Variants in SIK3 observed in about 807,000 individuals in gnomAD.
SIK3 encodes the protein SIK family kinase 3, also known as serine/threonine-protein kinase SIK3.
SIK3 carries 28 observed loss-of-function variants against 144.2 expected under a neutral mutation model. The ratio of observed to expected loss-of-function variants is 0.19; its 90% CI spans 0.14 to 0.27. The LOEUF (loss-of-function observed/expected upper bound fraction) is 0.27. Ranked by LOEUF, SIK3 falls within the 10% of genes least tolerant of loss-of-function variation. The probability of loss-of-function intolerance (pLI) is 1.00; values close to 1 mark genes in which losing one functional copy is unlikely to be tolerated. For synonymous variants in SIK3, 686 were observed against 676.3 expected (o/e 1.01, Z -0.22); for missense variants, 1,319 against 1,776.0 (o/e 0.74, Z 4.62).
At position 116,862,229 on chromosome 11, in the gene SIK3, G is replaced by A; in HGVS notation, c.2202C>T (p.His734=). 6.2e-7 allele frequency: 1 copy of A among 1,614,184 alleles called. No homozygotes were observed. The highest frequency in any genetic ancestry group is 1.1e-5 in the South Asian group (1 of 91,088). Residue 734 remains histidine, a synonymous_variant, in exon 17 of 25, where the codon CAC becomes CAT. Coordinates refer to ENST00000445177, the MANE Select transcript of SIK3 (RefSeq NM_001366686.3). ...QQHMLYQQEQ[H]HQILQQQIQD... is the part of the protein sequence containing the mutation. ...GAATTTGTTGCTGGAGAATTTGATGGTGCTGCTCCTGCTGGTATAACATAT... is the reference window on the plus strand; with the variant it reads ...GAATTTGTTGCTGGAGAATTTGATGATGCTGCTCCTGCTGGTATAACATAT...
chr11:117,044,153 T>A (rs895155053), intron 1 of SIK3, among the ~76,000 whole-genome samples: 1 of 152,236 alleles, frequency 6.6e-6, no homozygotes, highest in Non-Finnish European at 1.5e-5. Context: ...CATGTTTACA[T>A]AATAAATATT....
intron 1 of SIK3, among the ~76,000 whole-genome samples, chr11:117,025,183 C>T (rs1163412143): frequency 3.3e-5 from 5 of 151,966 alleles, no homozygotes; most frequent in Non-Finnish European, 7.4e-5. Flanking sequence ...ATTCCACAAG[C>T]AAACCTGGAG....
At chr11:116,894,915 C>T (rs1040477609) in intron 6 of SIK3, among the ~76,000 whole-genome samples, 6 of 152,124 alleles carry the variant, frequency 3.9e-5, no homozygotes, top group African/African-American at 9.7e-5. Context: ...TTTAGCCTAC[C>T]GGCAACATAG....
chr11:116,937,607 T>C (rs1201570670), intron 3 of SIK3, among the ~76,000 whole-genome samples: 2 of 152,186 alleles, frequency 1.3e-5, no homozygotes, highest in Non-Finnish European at 2.9e-5. Context: ...ACTACTGGTA[T>C]TGTTTTCAAT....
chr11:116,988,671 G>A (rs756762478), intron 1 of SIK3, among the ~76,000 whole-genome samples: 2 of 151,916 alleles, frequency 1.3e-5, no homozygotes, highest in Non-Finnish European at 2.9e-5. Context: ...ATGTGCACCT[G>A]TGGTCCCAGC....
At chr11:117,060,326 G>A (rs4938334) in intron 1 of SIK3, among the ~76,000 whole-genome samples, 1 of 151,994 alleles carries the variant, frequency 6.6e-6, no homozygotes, top group African/African-American at 2.4e-5. Flanking sequence ...GCCAGGCGAG[G>A]TGGCTCATGC....
intron 4 of SIK3, among the ~76,000 whole-genome samples, chr11:116,905,645 A>G (rs73590483): frequency 0.014 from 2,083 of 152,290 alleles, 60 homozygotes; most frequent in African/African-American, 0.047. Context: ...TATTATTGTC[A>G]ATTCAGCTGT....
chr11:117,060,229 A>G (rs1410974906), intron 1 of SIK3, among the ~76,000 whole-genome samples: 3 of 152,218 alleles, frequency 2.0e-5, no homozygotes, highest in Non-Finnish European at 4.4e-5. Flanking sequence ...TTACTAAGTG[A>G]AAAAAAGTCA....
intron 6 of SIK3, among the ~76,000 whole-genome samples, chr11:116,885,237 T>C (rs908657777): frequency 1.3e-5 from 2 of 152,122 alleles, no homozygotes; most frequent in African/African-American, 2.4e-5. Flanking sequence ...ATAAGAAAAG[T>C]TTCTTTAGGA....
intron 1 of SIK3, among the ~76,000 whole-genome samples, chr11:117,088,500 A>G (rs1955110944): frequency 6.6e-6 from 1 of 152,192 alleles, no homozygotes; most frequent in Non-Finnish European, 1.5e-5. Context: ...AAACAAACTC[A>G]GCTCTTATTT....
intron 1 of SIK3, among the ~76,000 whole-genome samples, chr11:117,090,166 A>T (rs538775610): frequency 6.6e-6 from 1 of 152,188 alleles, no homozygotes; most frequent in Non-Finnish European, 1.5e-5. Flanking sequence ...GCCCATTTGA[A>T]TGTATATAAT....
intron 1 of SIK3, among the ~76,000 whole-genome samples, chr11:117,093,389 T>C (rs976507963): frequency 6.6e-5 from 10 of 152,226 alleles, no homozygotes; most frequent in African/African-American, 1.9e-4. Context: ...GCAAAATGTC[T>C]TCTCTGTGTA....
At chr11:117,016,283 G>A (rs1951519005) in intron 1 of SIK3, among the ~76,000 whole-genome samples, 2 of 145,264 alleles carry the variant, frequency 1.4e-5, no homozygotes, top group African/African-American at 2.5e-5. Context: ...CCGCGATCAC[G>A]CCACTGCACT....
chr11:117,090,649 G>GT (rs1337086916), intron 1 of SIK3, among the ~76,000 whole-genome samples: 31 of 152,306 alleles, frequency 2.0e-4, no homozygotes, highest in African/African-American at 7.5e-4. Flanking sequence ...AGAAAACTAC[G>GT]TAAGGCAGAC....
chr11:117,000,709 T>C (rs1950818314), intron 1 of SIK3, among the ~76,000 whole-genome samples: 1 of 152,228 alleles, frequency 6.6e-6, no homozygotes, highest in Non-Finnish European at 1.5e-5. Context: ...ATTCAGACAC[T>C]GCCAGGACCA....
rs1427616454 is a variant in SIK3, at chr11:116,877,842, A to C, written c.866-800T>G. Among the ~76,000 whole-genome samples the C allele has an allele frequency of 2.0e-5, 3 of 152,330 alleles. No homozygotes were observed. In the East Asian group the frequency reaches 5.8e-4, roughly 29 times the overall value. ...AATAGTTGTGATGAAGGCAGTGATG[A>C]TGATACCAAAACAGCACTATTGATG... On this transcript the variant is annotated intron_variant, in intron 6 of 24. Coordinates refer to ENST00000445177, the MANE Select transcript of SIK3 (RefSeq NM_001366686.3).
intron 1 of SIK3, among the ~76,000 whole-genome samples, chr11:116,982,445 C>T (rs1239616979): frequency 2.0e-5 from 3 of 152,086 alleles, no homozygotes; most frequent in Admixed American, 6.5e-5. Context: ...CCTACCACTA[C>T]GCCCAGCTAA....
chr11:117,000,082 TTAGA>T (rs1389299641), intron 1 of SIK3, among the ~76,000 whole-genome samples: 2 of 152,222 alleles, frequency 1.3e-5, no homozygotes, highest in Non-Finnish European at 2.9e-5. Context: ...GATATGTATA[TTAGA>T]TAGTTATAAT....
intron 1 of SIK3, among the ~76,000 whole-genome samples, chr11:117,001,922 A>C (rs954458965): frequency 6.6e-6 from 1 of 152,232 alleles, no homozygotes; most frequent in Non-Finnish European, 1.5e-5. Flanking sequence ...AAAAATCAGA[A>C]GTTCCCCATT....
Sources: gnomAD v4.1 joint callset for allele counts (sites outside exome capture counted in the v4.1 genomes callset) on GRCh38, gnomAD v4.1.1 for gene constraint, MANE v1.5 for transcripts, NCBI Gene and HGNC (gene_info 2026-07-23, HGNC 2026-07-21) for gene names.